VPS13B: variants seen among roughly 807,000 people sequenced by gnomAD.
The protein encoded by VPS13B is intermembrane lipid transfer protein VPS13B.
In VPS13B, 285 loss-of-function variants were observed where a neutral mutation model predicts 426.4. The ratio of observed to expected loss-of-function variants is 0.67; its 90% confidence interval spans 0.61 to 0.74. The LOEUF (loss-of-function observed/expected upper bound fraction) is 0.74. VPS13B is among the 30% of genes least tolerant of loss of function. VPS13B has a pLI of 0.00. For missense variants in VPS13B, 4,537 were observed against 4,782.6 expected (o/e 0.95, Z 1.51); for synonymous variants, 1,676 against 1,676.4 (o/e 1.00, Z 0.01).
chr8:99,128,367 A>G (rs1809551702), intron 8 of VPS13B, among the ~76,000 whole-genome samples: 1 of 110,626 alleles, frequency 9.0e-6, no homozygotes, highest in African/African-American at 3.5e-5. Context: ...AGCCTGGGTG[A>G]CAGAGCAAGA....
intron 30 of VPS13B, among the ~76,000 whole-genome samples, chr8:99,534,793 T>G (rs1823114322): frequency 6.6e-6 from 1 of 152,152 alleles, no homozygotes; most frequent in African/African-American, 2.4e-5. Context: ...AGAATTGCAT[T>G]TTTCTCATTA....
chr8:99,696,563 C>T, intron 35 of VPS13B: 4 of 519,372 alleles, frequency 7.7e-6, no homozygotes, highest in South Asian at 7.6e-5. Context: ...TCTTCCCCAG[C>T]ATGCCAGCAT....
At chr8:99,791,075 C>T (rs111637824) in intron 43 of VPS13B, among the ~76,000 whole-genome samples, 2,457 of 152,148 alleles carry the variant, frequency 0.016, 62 homozygotes, top group African/African-American at 0.056. Flanking sequence ...GTTGGCCCAG[C>T]GGATGACAGT....
chr8:99,636,777 C>G (rs566547746), intron 33 of VPS13B, among the ~76,000 whole-genome samples: 9 of 151,936 alleles, frequency 5.9e-5, no homozygotes, highest in African/African-American at 1.9e-4. Flanking sequence ...TTATCTTCTT[C>G]GATACAGTAA....
intron 23 of VPS13B, among the ~76,000 whole-genome samples, chr8:99,463,270 A>G (rs1818930205): frequency 6.6e-6 from 1 of 152,234 alleles, no homozygotes; most frequent in African/African-American, 2.4e-5. Context: ...AGAGAATCTT[A>G]GAGTATTATA....
intron 36 of VPS13B, among the ~76,000 whole-genome samples, chr8:99,705,773 T>G (rs754578114): frequency 6.6e-6 from 1 of 152,174 alleles, no homozygotes; most frequent in Non-Finnish European, 1.5e-5. Flanking sequence ...CTGTTTTGGA[T>G]TCCAAAGGGA....
At chr8:99,873,509 G>A (rs774320124) in intron 61 of VPS13B, among the ~76,000 whole-genome samples, 1 of 152,204 alleles carries the variant, frequency 6.6e-6, no homozygotes, top group Non-Finnish European at 1.5e-5. Context: ...ACATGACTGA[G>A]AGCAGGAGCA....
Position 99,135,031 on chromosome 8 carries a change from A to G in VPS13B, c.1319A>G (p.Glu440Gly). The part of the protein sequence containing the change: ...GTTVEALMMG[E>G]PFFDCQIGFV... The stretch of plus-strand genomic sequence containing the variant: ...GTCTTATAGGCCCTTATGATGGGAG[A>G]ACCTTTCTTTGATTGCCAGATTGGG... Residue 440 changes from glutamate to glycine, a missense_variant, in exon 10 of 62, where the codon GAA (glutamate) becomes GGA (glycine). Around this residue, in one of 2 missense-constraint regions of VPS13B, gnomAD observed 4,311 missense variants for 4,474.3 expected, o/e 0.96. Coordinates refer to ENST00000357162, the MANE Select transcript of VPS13B (RefSeq NM_152564.5). 1.2e-6 allele frequency: 2 copies of G among 1,613,450 alleles called. No individual in the cohort carries two copies. Among genetic ancestry groups the G allele is most frequent in the Non-Finnish European group, 1.7e-6 (2 of 1,179,568 alleles).
intron 21 of VPS13B, among the ~76,000 whole-genome samples, chr8:99,405,515 T>C (rs1367180480): frequency 6.6e-6 from 1 of 152,214 alleles, no homozygotes; most frequent in Non-Finnish European, 1.5e-5. Context: ...TTTGGTATTA[T>C]ATTATCCTCT....
At chr8:99,841,872 C>T (rs1157529792) in intron 54 of VPS13B, among the ~76,000 whole-genome samples, 1 of 152,200 alleles carries the variant, frequency 6.6e-6, no homozygotes, top group Non-Finnish European at 1.5e-5. Flanking sequence ...GCCTCTCCAA[C>T]CTCAAGTCTC....
intron 57 of VPS13B, among the ~76,000 whole-genome samples, chr8:99,860,733 A>G (rs954597377): frequency 3.9e-5 from 6 of 152,234 alleles, no homozygotes; most frequent in Admixed American, 3.9e-4. Flanking sequence ...AGATCTGTCC[A>G]TGAAAGTCGC....
intron 19 of VPS13B, among the ~76,000 whole-genome samples, chr8:99,279,832 C>T (rs111664560): frequency 3.3e-5 from 5 of 152,174 alleles, no homozygotes; most frequent in Non-Finnish European, 5.9e-5. Flanking sequence ...TGCAGTGGCG[C>T]GATCTTGGCT....
intron 17 of VPS13B, chr8:99,233,119 T>A: frequency 1.3e-5 from 17 of 1,349,064 alleles, no homozygotes; most frequent in Non-Finnish European, 1.8e-5. Context: ...TTGTACAGTT[T>A]CCCTGATACT....
At chr8:99,754,245 C>A (rs1810533879) in intron 39 of VPS13B, among the ~76,000 whole-genome samples, 3 of 151,948 alleles carry the variant, frequency 2.0e-5, no homozygotes, top group Non-Finnish European at 1.5e-5. Flanking sequence ...TCTTTTATCT[C>A]ATTGGTAGAT....
intron 21 of VPS13B, among the ~76,000 whole-genome samples, chr8:99,430,365 A>C (rs992499947): frequency 6.6e-6 from 1 of 152,120 alleles, no homozygotes; most frequent in Non-Finnish European, 1.5e-5. Flanking sequence ...CTTCAAACTT[A>C]ATTTATTTAG....
chr8:99,175,534 C>T (rs140152974), intron 16 of VPS13B, among the ~76,000 whole-genome samples: 2,313 of 152,198 alleles, frequency 0.015, 24 homozygotes, highest in Non-Finnish European at 0.02. Flanking sequence ...CTAATTCCAG[C>T]GCTTTGGGAG....
intron 19 of VPS13B, among the ~76,000 whole-genome samples, chr8:99,381,364 A>G (rs969411992): frequency 2.6e-5 from 4 of 152,198 alleles, no homozygotes; most frequent in African/African-American, 7.2e-5. Flanking sequence ...TGTGGGGAAC[A>G]TACGTTTGCA....
At chr8:99,334,294 T>C (rs1459416740) in intron 19 of VPS13B, among the ~76,000 whole-genome samples, 1 of 152,012 alleles carries the variant, frequency 6.6e-6, no homozygotes, top group Non-Finnish European at 1.5e-5. Flanking sequence ...CATTCTTGTT[T>C]TAATTTGTGC....
rs370294693 is a variant in VPS13B, at chr8:99,150,771, T to C, written c.2013+2761T>C. On this transcript the variant is annotated intron_variant, in intron 14 of 61. Transcript: ENST00000357162. Reference sequence around the variant, plus strand: ...CATTACAGATGTACCACAATTTACTTATCCATTCACCTACTGAAGGACATC... The same window carrying C: ...CATTACAGATGTACCACAATTTACTCATCCATTCACCTACTGAAGGACATC... 4.6e-5 allele frequency among the ~76,000 whole-genome samples: 7 copies of C among 152,350 alleles called. No individual in the cohort carries two copies. In the East Asian group the frequency reaches 5.8e-4, roughly 13 times the overall value.
Sources: gnomAD v4.1 joint callset for allele counts (sites outside exome capture counted in the v4.1 genomes callset) on GRCh38, gnomAD v4.1.1 for gene constraint, gnomAD v4.1.1 regional missense constraint, MANE v1.5 for transcripts, NCBI Gene and HGNC (gene_info 2026-07-23, HGNC 2026-07-21) for gene names.